PBX3: variants seen among roughly 807,000 people sequenced by gnomAD.
PBX3 encodes the protein PBX homeobox 3.
PBX3 carries 14 observed loss-of-function variants against 48.5 expected under a neutral mutation model. The observed-to-expected ratio is 0.29, with a 90% CI of 0.19 to 0.45. The LOEUF is 0.45. Ranked by LOEUF, PBX3 falls within the 20% of genes least tolerant of loss-of-function variation. PBX3 has a pLI of 1.00. For synonymous variants in PBX3, 210 were observed against 200.3 expected (o/e 1.05, Z -0.41); for missense variants, 386 against 546.7 (o/e 0.71, Z 2.93).
chr9:125,930,429 A>C (rs1841687742), intron 4 of PBX3, among the ~76,000 whole-genome samples: 1 of 152,216 alleles, frequency 6.6e-6, no homozygotes, highest in African/African-American at 2.4e-5. Context: ...TAAATTGTCT[A>C]CAGTGACCTA....
chr9:125,936,935 C>T (rs1841848670), intron 5 of PBX3, among the ~76,000 whole-genome samples: 1 of 152,192 alleles, frequency 6.6e-6, no homozygotes, highest in East Asian at 1.9e-4. Context: ...AAAGAAGAAT[C>T]GTTTCAAGTA....
At position 125,915,723 on chromosome 9, in the gene PBX3, C is replaced by T. The variant is rs1256756963; in HGVS notation, c.312C>T (p.Pro104=). The T allele has an allele frequency of 1.9e-6, 3 of 1,613,368 alleles. No homozygotes were observed. Among genetic ancestry groups the T allele is most frequent in the African/African-American group, 1.3e-5 (1 of 74,892 alleles). ...GAGGAGCCCAGGAGGAGGACCCTCCCGATCCCCAGCTAATGAGACTGGACA... is the reference window on the plus strand; with the variant it reads ...GAGGAGCCCAGGAGGAGGACCCTCCTGATCCCCAGCTAATGAGACTGGACA... The part of the protein sequence containing the change: ...SIRGAQEEDP[P]DPQLMRLDNM... Residue 104 remains proline, a synonymous_variant, in exon 3 of 9, where the codon CCC becomes CCT. Transcript: ENST00000373489.
chr9:125,855,482 A>G (rs1839695852), intron 2 of PBX3, among the ~76,000 whole-genome samples: 1 of 152,052 alleles, frequency 6.6e-6, no homozygotes, highest in Non-Finnish European at 1.5e-5. Flanking sequence ...TTTTATTCTA[A>G]TTGATCTTGA....
chr9:125,766,831 G>A (rs1384544330), intron 2 of PBX3, among the ~76,000 whole-genome samples: 1 of 152,218 alleles, frequency 6.6e-6, no homozygotes, highest in South Asian at 2.1e-4. Flanking sequence ...GATGGGTCAC[G>A]TCCAAAGATT....
intron 2 of PBX3, among the ~76,000 whole-genome samples, chr9:125,903,456 A>G (rs1840997610): frequency 1.3e-5 from 2 of 151,852 alleles, no homozygotes; most frequent in African/African-American, 4.8e-5. Flanking sequence ...AAAATGTCAA[A>G]TATTTGAATT....
At chr9:125,862,113 G>A (rs1047554292) in intron 2 of PBX3, among the ~76,000 whole-genome samples, 4 of 152,160 alleles carry the variant, frequency 2.6e-5, no homozygotes, top group Admixed American at 2.6e-4. Flanking sequence ...TGTCTTAACA[G>A]TTGCTGCCAG....
At chr9:125,954,465 T>C (rs1431223018) in intron 5 of PBX3, among the ~76,000 whole-genome samples, 2 of 152,122 alleles carry the variant, frequency 1.3e-5, no homozygotes, top group Admixed American at 6.5e-5. Flanking sequence ...GGGAGAGAAA[T>C]GAACTAGAAA....
rs193077954 is a variant in PBX3, at chr9:125,775,063, C to T, written c.274+26440C>T. On this transcript the variant is annotated intron_variant, in intron 2 of 8. Transcript: ENST00000373489. ...TGTATTTTTAATAGAGATGGGGTTTCACCATGTTGGCCAGGCTGGTCTCAA... is the reference window on the plus strand; with the variant it reads ...TGTATTTTTAATAGAGATGGGGTTTTACCATGTTGGCCAGGCTGGTCTCAA... 2.4e-3 allele frequency among the ~76,000 whole-genome samples: 367 copies of T among 152,208 alleles called. 1 individual carries two copies. Among genetic ancestry groups the T allele is most frequent in the African/African-American group, 7.8e-3 (325 of 41,526 alleles).
intron 2 of PBX3, among the ~76,000 whole-genome samples, chr9:125,884,720 AAG>A (rs1169522785): frequency 6.6e-6 from 1 of 152,222 alleles, no homozygotes; most frequent in Non-Finnish European, 1.5e-5. Context: ...AGAATCTAAA[AAG>A]AGTGTTTTAT....
Position 125,800,797 on chromosome 9 carries a change from G to A in PBX3, c.274+52174G>A, listed in dbSNP as rs973963942. The stretch of plus-strand genomic sequence containing the variant: ...AGACAGAGTTTCCTTCTTGTGGCCC[G>A]AGCTGGAGTGCAATGGCATGACCTC... On this transcript the variant is annotated intron_variant, in intron 2 of 8. Coordinates refer to ENST00000373489, the MANE Select transcript of PBX3 (RefSeq NM_006195.6). 6.3e-5 allele frequency among the ~76,000 whole-genome samples: 9 copies of A among 143,186 alleles called. No individual in the cohort carries two copies. In the South Asian group the frequency reaches 8.7e-4, roughly 14 times the overall value. The allele number at this position is 143,186 out of a possible 152,430, so 93.9% of individuals were successfully genotyped here.
chr9:125,765,598 A>C (rs1836782328), intron 2 of PBX3, among the ~76,000 whole-genome samples: 1 of 152,118 alleles, frequency 6.6e-6, no homozygotes, highest in Non-Finnish European at 1.5e-5. Context: ...TTTCTTCTTT[A>C]CTTAAAAATA....
At chr9:125,827,323 T>C (rs1173394347) in intron 2 of PBX3, among the ~76,000 whole-genome samples, 1 of 152,140 alleles carries the variant, frequency 6.6e-6, no homozygotes, top group Non-Finnish European at 1.5e-5. Flanking sequence ...AATGTTAACA[T>C]TTTGCCATCT....
intron 2 of PBX3, among the ~76,000 whole-genome samples, chr9:125,823,044 C>T (rs1410419524): frequency 6.6e-6 from 1 of 150,388 alleles, no homozygotes; most frequent in African/African-American, 2.4e-5. Flanking sequence ...CATTAATTCT[C>T]CTAACTCACC....
chr9:125,757,094 A>T (rs1836538377), intron 2 of PBX3, among the ~76,000 whole-genome samples: 1 of 152,180 alleles, frequency 6.6e-6, no homozygotes, highest in Non-Finnish European at 1.5e-5. Flanking sequence ...GGAAGGACTT[A>T]TGAAATTCTT....
rs548644281 is a variant in PBX3, at chr9:125,854,111, TTAAC to T, written c.275-61571_275-61568del. ...CACCAATATAGACCTGCTATTTTAA[TTAAC>T]TAATTAATTTTTGTTTTGTTTTTGT... On this transcript the variant is annotated intron_variant, in intron 2 of 8. Coordinates refer to ENST00000373489, the MANE Select transcript of PBX3 (RefSeq NM_006195.6). 4.1e-4 allele frequency among the ~76,000 whole-genome samples: 62 copies of T among 152,204 alleles called. No homozygotes were observed. In the South Asian group the frequency reaches 0.011, roughly 28 times the overall value.
intron 2 of PBX3, among the ~76,000 whole-genome samples, chr9:125,827,471 A>G (rs937555378): frequency 6.6e-6 from 1 of 152,106 alleles, no homozygotes; most frequent in African/African-American, 2.4e-5. Flanking sequence ...CTCATGTGAA[A>G]AATGCTTTTA....
At chr9:125,891,943 C>T (rs1000507153) in intron 2 of PBX3, among the ~76,000 whole-genome samples, 6 of 152,120 alleles carry the variant, frequency 3.9e-5, no homozygotes, top group African/African-American at 1.2e-4. Flanking sequence ...TTTTTTGAGA[C>T]GGAGTCTCAC....
At chr9:125,813,165 A>T (rs12554865) in intron 2 of PBX3, among the ~76,000 whole-genome samples, 1 of 152,022 alleles carries the variant, frequency 6.6e-6, no homozygotes, top group African/African-American at 2.4e-5. Context: ...TTAGCTTAAA[A>T]CACATTGTAC....
intron 5 of PBX3, among the ~76,000 whole-genome samples, chr9:125,938,436 G>T (rs1428671210): frequency 6.6e-6 from 1 of 152,104 alleles, no homozygotes; most frequent in Non-Finnish European, 1.5e-5. Flanking sequence ...GTCTTAAAGT[G>T]TCTCTCCATA....
Sources: allele counts gnomAD v4.1 joint callset (sites outside exome capture counted in the v4.1 genomes callset), GRCh38; gene constraint gnomAD v4.1.1; transcripts MANE v1.5; gene names NCBI Gene and HGNC (gene_info 2026-07-23, HGNC 2026-07-21).